MELK: variants seen among roughly 807,000 people sequenced by gnomAD.
The protein encoded by MELK is maternal embryonic leucine zipper kinase.
Under a neutral mutation model 85.0 loss-of-function variants are expected in MELK, and 81 were observed. The observed-to-expected ratio is 0.95, with a 90% CI of 0.80 to 1.15. The LOEUF (loss-of-function observed/expected upper bound fraction) is 1.15, where lower values mean the gene tolerates loss of function less well. MELK is among the 50% of genes most tolerant of loss of function. The pLI, the probability that MELK is intolerant of heterozygous loss-of-function variation, is 0.00. For synonymous variants in MELK, 252 were observed against 265.0 expected (o/e 0.95, Z 0.48); for missense variants, 754 against 777.5 (o/e 0.97, Z 0.36).
chr9:36,589,369 C>T (rs996179149), intron 3 of MELK, among the ~76,000 whole-genome samples, 167 bp from the exon 4 acceptor site: 32 of 152,034 alleles, frequency 2.1e-4, no homozygotes, highest in African/African-American at 7.0e-4. Context: ...AGGATGGTCT[C>T]GATTTCCTGA....
chr9:36,612,098 T>G (rs540210565), intron 8 of MELK, among the ~76,000 whole-genome samples: 1 of 151,892 alleles, frequency 6.6e-6, no homozygotes, highest in African/African-American at 2.4e-5. Context: ...TTTGTTTGTT[T>G]GTTTTGTTTT....
intron 7 of MELK, among the ~76,000 whole-genome samples, chr9:36,607,312 A>G (rs949182871): frequency 2.0e-5 from 3 of 152,156 alleles, no homozygotes; most frequent in African/African-American, 7.2e-5. Flanking sequence ...TTTTCTGTTA[A>G]GTGTTAGAGT....
chr9:36,660,748 T>C (rs1391544278), intron 13 of MELK, among the ~76,000 whole-genome samples: 1 of 151,778 alleles, frequency 6.6e-6, no homozygotes, highest in East Asian at 2.0e-4. Context: ...TCCCAGCACT[T>C]TGGGGGGCTG....
intron 8 of MELK, among the ~76,000 whole-genome samples, chr9:36,620,369 G>A (rs766319352): frequency 1.3e-5 from 2 of 152,036 alleles, no homozygotes; most frequent in Admixed American, 6.6e-5. Context: ...GCTTTCCCAC[G>A]CATTTTAGGT....
intron 10 of MELK, 81 bp from the exon 11 acceptor site, chr9:36,642,916 A>T: frequency 1.0e-6 from 1 of 985,062 alleles, no homozygotes; most frequent in Non-Finnish European, 1.5e-6. Context: ...TGTATAAAGT[A>T]ATTATGCTGA....
At chr9:36,623,469 G>A (rs925006660) in intron 8 of MELK, among the ~76,000 whole-genome samples, 2 of 152,252 alleles carry the variant, frequency 1.3e-5, no homozygotes, top group Non-Finnish European at 2.9e-5. Context: ...AGTTGAGAAT[G>A]TCAGGACATG....
At chr9:36,611,430 ACT>A (rs748307769) in intron 8 of MELK, among the ~76,000 whole-genome samples, 1 of 151,928 alleles carries the variant, frequency 6.6e-6, no homozygotes, top group Non-Finnish European at 1.5e-5. Context: ...ATGTCCATGT[ACT>A]CTCTCTCAGG....
Position 36,656,173 on chromosome 9 carries a change from C to A in MELK, c.1054-1068C>A, listed in dbSNP as rs1831222012. ...CCCAAATGTCCTATCCCTAGGAGAT[C>A]CTTCATAAGGCTAATTTTCTTCCTG... On this transcript the variant is annotated intron_variant, in intron 12 of 17. Coordinates refer to ENST00000298048, the MANE Select transcript of MELK (RefSeq NM_014791.4). Among the ~76,000 whole-genome samples the A allele has an allele frequency of 2.0e-5, 3 of 152,210 alleles. No homozygotes were observed. In the South Asian group the frequency reaches 6.2e-4, roughly 32 times the overall value.
intron 8 of MELK, among the ~76,000 whole-genome samples, chr9:36,628,214 C>G (rs1238341920): frequency 6.6e-6 from 1 of 151,948 alleles, no homozygotes; most frequent in African/African-American, 2.4e-5. Flanking sequence ...AGCAATGAAG[C>G]CTTGAATTTA....
chr9:36,622,253 A>G (rs1490372933), intron 8 of MELK, among the ~76,000 whole-genome samples: 1 of 152,160 alleles, frequency 6.6e-6, no homozygotes, highest in Non-Finnish European at 1.5e-5. Flanking sequence ...GCTCAGAACT[A>G]TTGTTCCGAG....
intron 7 of MELK, among the ~76,000 whole-genome samples, chr9:36,605,762 T>C (rs1825417076): frequency 6.6e-6 from 1 of 151,764 alleles, no homozygotes; most frequent in East Asian, 1.9e-4. Context: ...TACCCAGATA[T>C]GTGATGCTGC....
Position 36,677,505 on chromosome 9 carries a change from G to T in MELK, c.*168G>T. 2 of 551,512 alleles carry T rather than the reference G, an allele frequency of 3.6e-6. No homozygotes were observed. The highest frequency in any genetic ancestry group is 5.9e-6 in the Non-Finnish European group (2 of 338,990). 34.2% of individuals were successfully genotyped at this position (551,512 alleles called of 1,614,324 possible). A position where few individuals can be genotyped will look rare whatever the true frequency, so the allele number is the denominator to read the frequency against. ...TTTTAAACAAAAGATATTATTTTGTGTATGAATCTAAATCAAGCCCATCTG... is the reference window on the plus strand; with the variant it reads ...TTTTAAACAAAAGATATTATTTTGTTTATGAATCTAAATCAAGCCCATCTG... On this transcript the variant is annotated 3_prime_UTR_variant, in exon 18 of 18. Transcript: ENST00000298048.
At chr9:36,595,477 T>A (rs1389939452) in intron 5 of MELK, among the ~76,000 whole-genome samples, 1 of 151,920 alleles carries the variant, frequency 6.6e-6, no homozygotes, top group African/African-American at 2.4e-5. Context: ...AGCTATTCTT[T>A]CGCCCTGGCC....
intron 8 of MELK, among the ~76,000 whole-genome samples, chr9:36,621,253 C>T (rs1306479837): frequency 9.4e-6 from 1 of 106,892 alleles, no homozygotes; most frequent in Non-Finnish European, 1.8e-5. Context: ...GTCTGAATGA[C>T]AGAGTGAGAC....
chr9:36,609,704 A>G (rs915374366), intron 8 of MELK, among the ~76,000 whole-genome samples: 1 of 152,110 alleles, frequency 6.6e-6, no homozygotes, highest in Non-Finnish European at 1.5e-5. Context: ...CTCCCACCTC[A>G]GCCTTGCAAA....
intron 16 of MELK, 71 bp from the exon 17 acceptor site, chr9:36,674,763 C>T: frequency 1.1e-6 from 1 of 880,478 alleles, no homozygotes; most frequent in South Asian, 1.5e-5. Context: ...TTTTGGAACT[C>T]TTGATCTGGT....
intron 10 of MELK, among the ~76,000 whole-genome samples, chr9:36,635,388 C>T (rs908036552): frequency 6.6e-6 from 1 of 151,972 alleles, no homozygotes; most frequent in Non-Finnish European, 1.5e-5. Context: ...CTCAGCCACC[C>T]GATTAGTTGG....
chr9:36,639,944 A>G (rs1432312825), intron 10 of MELK, among the ~76,000 whole-genome samples: 1 of 152,208 alleles, frequency 6.6e-6, no homozygotes, highest in Non-Finnish European at 1.5e-5. Context: ...ACAAGAGGAT[A>G]CCAGGTATTA....
intron 8 of MELK, among the ~76,000 whole-genome samples, chr9:36,628,284 G>T (rs1418854246): frequency 6.6e-6 from 1 of 152,216 alleles, no homozygotes; most frequent in East Asian, 1.9e-4. Flanking sequence ...GCTCACTGCT[G>T]CCTGGGCTCC....
Sources: allele counts gnomAD v4.1 joint callset (sites outside exome capture counted in the v4.1 genomes callset), GRCh38; gene constraint gnomAD v4.1.1; transcripts MANE v1.5; gene names NCBI Gene and HGNC (gene_info 2026-07-23, HGNC 2026-07-21).